FNBP1: variants seen among roughly 807,000 people sequenced by gnomAD.
The protein encoded by FNBP1 is formin-binding protein 1.
FNBP1 carries 26 observed loss-of-function variants against 90.6 expected under a neutral mutation model. The observed-to-expected ratio is 0.29, with a 90% CI of 0.21 to 0.40. The LOEUF is 0.40. Among genes scored for constraint, FNBP1 ranks in the 10% least tolerant of loss-of-function variants. The probability of loss-of-function intolerance (pLI) is 1.00; values close to 1 mark genes in which losing one functional copy is unlikely to be tolerated. For synonymous variants in FNBP1, 260 were observed against 265.2 expected, an observed-to-expected ratio of 0.98 and a Z score of 0.19; for missense variants, 635 against 768.0, an observed-to-expected ratio of 0.83 and a Z score of 2.05.
chr9:129,976,164 T>C (rs1279456811), intron 4 of FNBP1, among the ~76,000 whole-genome samples: 2 of 152,144 alleles, frequency 1.3e-5, no homozygotes, highest in East Asian at 3.9e-4. Context: ...TCATCTAATT[T>C]AGGGCTCCAG....
At chr9:129,985,379 A>T (rs1589079155) in intron 2 of FNBP1, among the ~76,000 whole-genome samples, 1 of 152,222 alleles carries the variant, frequency 6.6e-6, no homozygotes. Flanking sequence ...GATGATGATG[A>T]TTCACACTTT....
chr9:129,974,714 G>T (rs543213826), intron 4 of FNBP1, among the ~76,000 whole-genome samples: 4 of 151,922 alleles, frequency 2.6e-5, no homozygotes, highest in Non-Finnish European at 5.9e-5. Context: ...TTAAAAACTG[G>T]CTGAGCATGG....
In FNBP1 at chr9:130,031,036, C is replaced by A. The variant is rs929122882; in HGVS notation, c.24+11916G>T. Among the ~76,000 whole-genome samples the A allele has an allele frequency of 3.3e-5, 5 of 152,138 alleles. No individual in the cohort carries two copies. Among genetic ancestry groups the A allele is most frequent in the Non-Finnish European group, 7.4e-5 (5 of 68,020 alleles). On this transcript the variant is annotated intron_variant, in intron 1 of 16. Coordinates refer to ENST00000446176, the MANE Select transcript of FNBP1 (RefSeq NM_015033.3). This position sits in a 1 kb window ranked among gnomAD's most constrained non-coding sequence, Gnocchi z 4.2. The stretch of plus-strand genomic sequence containing the variant: ...AGCCAGAGCAGGGAACATGCCTCCC[C>A]CTTGAACATCTTGAAGTGGGAGGAG...
At chr9:129,899,793 A>G (rs1238750580) in intron 15 of FNBP1, among the ~76,000 whole-genome samples, 172 bp downstream of exon 15, 4 of 126,996 alleles carry the variant, frequency 3.1e-5, no homozygotes, top group African/African-American at 9.0e-5. Context: ...AGGGAAGGGA[A>G]GGAAGGAAGG....
At position 129,929,825 on chromosome 9, in the gene FNBP1, G is replaced by A. The variant is rs575751909; in HGVS notation, c.514-130C>T. The A allele has an allele frequency of 2.9e-5, 23 of 795,520 alleles. No homozygotes were observed. The East Asian group carries it at 6.2e-4, about 21-fold the overall frequency. 49.3% of individuals were successfully genotyped at this position (795,520 alleles called of 1,614,324 possible). A position where few individuals can be genotyped will look rare whatever the true frequency, so the allele number is the denominator to read the frequency against. On this transcript the variant is annotated intron_variant, in intron 6 of 16. Transcript: ENST00000446176. Reference sequence around the variant, plus strand: ...GATTTACCTCAAATGTATTCCGCGGGTGCTTTTTAATGTTCTGAATTGAAT... The same window carrying A: ...GATTTACCTCAAATGTATTCCGCGGATGCTTTTTAATGTTCTGAATTGAAT...
the FNBP1 span, among the ~76,000 whole-genome samples, chr9:130,051,229 G>C: frequency 1.3e-5 from 2 of 151,784 alleles, no homozygotes; most frequent in African/African-American, 2.4e-5. Flanking sequence ...TAGAGAAGGT[G>C]TTTCACCATG....
chr9:129,999,788 C>T (rs2054563495), intron 1 of FNBP1, among the ~76,000 whole-genome samples: 1 of 151,676 alleles, frequency 6.6e-6, no homozygotes, highest in South Asian at 2.1e-4. Context: ...CTGTACTTTC[C>T]AAAACAAAAC....
At chr9:130,009,477 C>A (rs2056247971) in intron 1 of FNBP1, among the ~76,000 whole-genome samples, 1 of 152,004 alleles carries the variant, frequency 6.6e-6, no homozygotes, top group African/African-American at 2.4e-5. Context: ...GCCTGGCCAA[C>A]ATGGGCATCT....
chr9:129,984,249 G>A (rs992658698), intron 2 of FNBP1, among the ~76,000 whole-genome samples: 6 of 151,608 alleles, frequency 4.0e-5, no homozygotes, highest in Admixed American at 6.6e-5. Flanking sequence ...AAAAGCCAGG[G>A]AAAATTTTAA....
At chr9:129,967,006 G>C (rs980551043) in intron 4 of FNBP1, among the ~76,000 whole-genome samples, 1 of 152,184 alleles carries the variant, frequency 6.6e-6, no homozygotes, top group African/African-American at 2.4e-5. Context: ...TGTGGAAGAG[G>C]GGTGAGAAGT....
chr9:130,035,458 G>C (rs552725562), intron 1 of FNBP1, among the ~76,000 whole-genome samples: 5 of 152,160 alleles, frequency 3.3e-5, no homozygotes, highest in Admixed American at 6.5e-5. Context: ...CTTCACAGGT[G>C]TTACTCCCCA....
intron 1 of FNBP1, among the ~76,000 whole-genome samples, chr9:130,013,527 T>G (rs754109010): frequency 9.2e-5 from 14 of 152,164 alleles, no homozygotes; most frequent in Non-Finnish European, 1.8e-4. Context: ...GAAAACAGGT[T>G]GGTTTTACCT....
chr9:129,965,803 A>AG (rs2048528449), intron 4 of FNBP1, among the ~76,000 whole-genome samples: 3 of 52,544 alleles, frequency 5.7e-5, no homozygotes, highest in Non-Finnish European at 9.0e-5. Flanking sequence ...GGAGGGGGGA[A>AG]GGAGGGAGGG....
rs150399752 is a variant in FNBP1, at chr9:129,966,938, T to C, written c.346-8385A>G. Among the ~76,000 whole-genome samples, 157 of 152,186 alleles carry C rather than the reference T, an allele frequency of 1.0e-3. No homozygotes were observed. Among genetic ancestry groups the C allele is most frequent in the African/African-American group, 3.6e-3 (149 of 41,534 alleles). Reference sequence around the variant, plus strand: ...TAAGCATGGAAGCAGAGAAATGAATTAGGAGGCTCAGCAGAGTCCTCTAGA... The same window carrying C: ...TAAGCATGGAAGCAGAGAAATGAATCAGGAGGCTCAGCAGAGTCCTCTAGA... On this transcript the variant is annotated intron_variant, in intron 4 of 16. Transcript: ENST00000446176. This position sits in a 1 kb window ranked among gnomAD's most constrained non-coding sequence, Gnocchi z 4.3.
intron 4 of FNBP1, among the ~76,000 whole-genome samples, chr9:129,976,103 C>A (rs1228706943): frequency 2.0e-5 from 3 of 152,116 alleles, no homozygotes; most frequent in Admixed American, 2.0e-4. Context: ...TGTTTCACTG[C>A]ATCCTTTCTG....
intron 4 of FNBP1, among the ~76,000 whole-genome samples, chr9:129,977,973 G>A (rs564787905): frequency 2.6e-5 from 4 of 151,752 alleles, no homozygotes; most frequent in African/African-American, 4.8e-5. Context: ...GACATTTTAC[G>A]TAGAGACCTA....
intron 6 of FNBP1, among the ~76,000 whole-genome samples, chr9:129,932,189 C>T (rs1472477072): frequency 6.7e-6 from 1 of 149,620 alleles, no homozygotes; most frequent in African/African-American, 2.5e-5. Flanking sequence ...CCAGCCTGGG[C>T]GACTGAGCCA....
the FNBP1 span, among the ~76,000 whole-genome samples, chr9:130,048,277 C>T: frequency 1.5e-5 from 2 of 131,888 alleles, no homozygotes; most frequent in African/African-American, 5.8e-5. Context: ...GATCGCGCCA[C>T]TTCACTCCAG....
At chr9:129,996,863 T>A (rs1023319705) in intron 1 of FNBP1, among the ~76,000 whole-genome samples, 3 of 152,046 alleles carry the variant, frequency 2.0e-5, no homozygotes, top group Non-Finnish European at 4.4e-5. Flanking sequence ...CTTCACTAAT[T>A]TTTGTATTTT....
Sources: gnomAD v4.1 joint callset for allele counts (sites outside exome capture counted in the v4.1 genomes callset) on GRCh38, gnomAD v4.1.1 for gene constraint, Gnocchi (gnomAD v3.1) non-coding constraint, MANE v1.5 for transcripts, NCBI Gene and HGNC (gene_info 2026-07-23, HGNC 2026-07-21) for gene names.